Variants in APBA2 observed in about 807,000 individuals in gnomAD.
APBA2 encodes amyloid beta precursor protein binding family A member 2.
APBA2 carries 30 observed loss-of-function variants against 75.0 expected under a neutral mutation model. The ratio of observed to expected loss-of-function variants is 0.40; its 90% CI spans 0.30 to 0.54. The LOEUF (loss-of-function observed/expected upper bound fraction) is 0.54, where lower values mean the gene tolerates loss of function less well. Ranked by LOEUF, APBA2 falls within the 20% of genes least tolerant of loss-of-function variation. The pLI, the probability that APBA2 is intolerant of heterozygous loss-of-function variation, is 0.49. For synonymous variants in APBA2, 444 were observed against 409.6 expected (o/e 1.08, Z -1.01); for missense variants, 801 against 1,016.1 (o/e 0.79, Z 2.88).
At chr15:28,932,426 C>T (rs1045543070) in intron 2 of APBA2, among the ~76,000 whole-genome samples, 4 of 152,194 alleles carry the variant, frequency 2.6e-5, no homozygotes, top group African/African-American at 9.7e-5. Context: ...CCTCTGAGCA[C>T]ATGCAGGATG....
At chr15:29,005,864 A>AAAATAAATAAAT (rs3054523) in intron 3 of APBA2, among the ~76,000 whole-genome samples, 74 of 151,438 alleles carry the variant, frequency 4.9e-4, no homozygotes, top group African/African-American at 1.7e-3. Context: ...ACTCTGTCTC[A>AAAATAAATAAAT]AAATAAATAA....
intron 4 of APBA2, among the ~76,000 whole-genome samples, chr15:29,069,256 TC>T (rs1006107554): frequency 3.3e-5 from 5 of 152,178 alleles, no homozygotes; most frequent in Admixed American, 2.0e-4. Context: ...AATCCACTCA[TC>T]CACTGATGGA....
chr15:29,012,151 C>T (rs963612193), intron 3 of APBA2, among the ~76,000 whole-genome samples: 1 of 152,166 alleles, frequency 6.6e-6, no homozygotes, highest in Non-Finnish European at 1.5e-5. Flanking sequence ...GAAGTCCATA[C>T]TTCATTCACA....
chr15:29,068,245 AG>A (rs1448820805), intron 4 of APBA2, among the ~76,000 whole-genome samples: 3 of 152,232 alleles, frequency 2.0e-5, no homozygotes, highest in African/African-American at 7.2e-5. Flanking sequence ...CTGTGCACAC[AG>A]GGCTTCTTGC....
chr15:28,963,229 A>G (rs1399422781), intron 2 of APBA2, among the ~76,000 whole-genome samples: 1 of 152,180 alleles, frequency 6.6e-6, no homozygotes. Context: ...TTCAGTGTAT[A>G]GGTCTTCCTA....
At chr15:29,035,421 G>A (rs1291326160) in intron 3 of APBA2, among the ~76,000 whole-genome samples, 2 of 152,116 alleles carry the variant, frequency 1.3e-5, no homozygotes, top group Non-Finnish European at 2.9e-5. Flanking sequence ...TAGGGCTCTG[G>A]TGCTGGGACC....
intron 6 of APBA2, among the ~76,000 whole-genome samples, chr15:29,092,679 A>C (rs2043634620): frequency 6.6e-6 from 1 of 152,164 alleles, no homozygotes; most frequent in Non-Finnish European, 1.5e-5. Context: ...GCCAAGGAGA[A>C]GCCCAGGGCA....
At chr15:28,953,593 G>C (rs2036006125) in intron 2 of APBA2, among the ~76,000 whole-genome samples, 1 of 152,020 alleles carries the variant, frequency 6.6e-6, no homozygotes, top group South Asian at 2.1e-4. Context: ...CCATCACTTA[G>C]AGATCAAGAT....
chr15:28,915,243 T>C (rs1409750198), intron 1 of APBA2, among the ~76,000 whole-genome samples: 83 of 46,914 alleles, frequency 1.8e-3, no homozygotes, highest in East Asian at 3.3e-3. Flanking sequence ...ACCCCATATA[T>C]ACCACACACC....
chr15:28,891,022 A>AG (rs1197744434), intron 1 of APBA2, among the ~76,000 whole-genome samples: 2 of 152,158 alleles, frequency 1.3e-5, no homozygotes, highest in African/African-American at 2.4e-5. Flanking sequence ...GAGAAAAAAA[A>AG]TATGTGGTTG....
chr15:28,975,168 A>G (rs2037268181), intron 2 of APBA2, among the ~76,000 whole-genome samples: 1 of 152,316 alleles, frequency 6.6e-6, no homozygotes, highest in Non-Finnish European at 1.5e-5. Context: ...GGAAAATATA[A>G]TTTATTCAGA....
chr15:28,892,549 C>G (rs1452381965), intron 1 of APBA2, among the ~76,000 whole-genome samples: 1 of 151,626 alleles, frequency 6.6e-6, no homozygotes, highest in Non-Finnish European at 1.5e-5. Context: ...ATAAAGTATG[C>G]TCTATGATGT....
intron 3 of APBA2, chr15:29,044,336 G>C (rs2041197462): frequency 6.6e-6 from 1 of 152,166 alleles, no homozygotes; most frequent in African/African-American, 2.4e-5. Context: ...TGGTGAGCAC[G>C]GTGTCGGGGG....
chr15:28,910,285 A>G (rs1362901850), intron 1 of APBA2, among the ~76,000 whole-genome samples: 3 of 152,130 alleles, frequency 2.0e-5, no homozygotes, highest in Non-Finnish European at 4.4e-5. Flanking sequence ...CTGGCAAAGC[A>G]GGGTTGGAGG....
At chr15:28,929,589 A>G (rs754480331) in intron 2 of APBA2, among the ~76,000 whole-genome samples, 30 of 152,274 alleles carry the variant, frequency 2.0e-4, no homozygotes, top group Admixed American at 7.8e-4. Context: ...GGCGACACAC[A>G]AGAAGAAGGG....
At chr15:28,895,326 G>A (rs1013700754) in intron 1 of APBA2, among the ~76,000 whole-genome samples, 3 of 152,130 alleles carry the variant, frequency 2.0e-5, no homozygotes, top group Non-Finnish European at 4.4e-5. Flanking sequence ...GGGGCTCCCA[G>A]TAGCTTTCTG....
At chr15:29,005,427 AT>A (rs1171141225) in intron 3 of APBA2, among the ~76,000 whole-genome samples, 3 of 151,994 alleles carry the variant, frequency 2.0e-5, no homozygotes. Flanking sequence ...CACCCAGCTA[AT>A]TTTTAAATTT....
intron 1 of APBA2, among the ~76,000 whole-genome samples, chr15:28,920,716 A>C (rs2033928919): frequency 6.6e-6 from 1 of 152,228 alleles, no homozygotes; most frequent in Non-Finnish European, 1.5e-5. Context: ...GAACCTCTTA[A>C]GGAATGGCTG....
chr15:29,038,138 G>A (rs2040838869), intron 3 of APBA2, among the ~76,000 whole-genome samples: 1 of 152,156 alleles, frequency 6.6e-6, no homozygotes, highest in Non-Finnish European at 1.5e-5. Flanking sequence ...GGCAGCTGGT[G>A]CTGTGCTTGC....
Sources: allele counts gnomAD v4.1 joint callset (sites outside exome capture counted in the v4.1 genomes callset), GRCh38; gene constraint gnomAD v4.1.1; transcripts MANE v1.5; gene names NCBI Gene and HGNC (gene_info 2026-07-23, HGNC 2026-07-21).